The following MINK1 variants were observed in gnomAD, a reference collection of about 807,000 sequenced individuals.
MINK1 encodes misshapen-like kinase 1.
Under a neutral mutation model 178.4 loss-of-function variants are expected in MINK1, and 46 were observed. That is an observed-to-expected ratio of 0.26 (90% CI 0.20 to 0.33). The LOEUF is 0.33. Among genes scored for constraint, MINK1 ranks in the 10% least tolerant of loss-of-function variants. MINK1 has a pLI of 1.00. For missense variants in MINK1, 1,366 were observed against 1,814.9 expected (o/e 0.75, Z 4.49); for synonymous variants, 797 against 709.7 (o/e 1.12, Z -1.96).
Position 4,894,911 on chromosome 17 carries a change from A to G in MINK1, c.2918-164A>G. On this transcript the variant is annotated intron_variant, in intron 24 of 31. Transcript: ENST00000355280. The surrounding 1 kb of genome is among the most constrained non-coding windows in gnomAD (Gnocchi z 4.1). ...ACTTGAGCCAGACCTTTTGACTCCA[A>G]GTCCAGCACTCTATCCCCCTCTCCC... The G allele has an allele frequency of 1.3e-6, 1 of 787,022 alleles. No individual in the cohort carries two copies. The highest frequency in any genetic ancestry group is 2.0e-6 in the Non-Finnish European group (1 of 503,102). 48.8% of individuals were successfully genotyped at this position (787,022 alleles called of 1,614,324 possible). A position where few individuals can be genotyped will look rare whatever the true frequency, so the allele number is the denominator to read the frequency against.
At chr17:4,855,147 G>C (rs571834149) in intron 1 of MINK1, among the ~76,000 whole-genome samples, 127 of 149,636 alleles carry the variant, frequency 8.5e-4, no homozygotes, top group Admixed American at 1.7e-3. Flanking sequence ...ACCTAGAAGG[G>C]GAGGTTGCAG....
intron 20 of MINK1, 49 bp from the exon 21 acceptor site, chr17:4,893,385 C>T (rs767593143): frequency 3.1e-6 from 5 of 1,603,690 alleles, no homozygotes; most frequent in Non-Finnish European, 4.3e-6. Context: ...TTGTCTACCT[C>T]CACCCAGGCC....
chr17:4,888,638 T>TA (rs934522671), intron 12 of MINK1, among the ~76,000 whole-genome samples: 2 of 142,240 alleles, frequency 1.4e-5, no homozygotes, highest in African/African-American at 2.6e-5. Context: ...CTCCAAAAAA[T>TA]AAAAAAATAA....
chr17:4,871,687 C>T (rs554467202), intron 1 of MINK1, among the ~76,000 whole-genome samples: 1 of 152,080 alleles, frequency 6.6e-6, no homozygotes, highest in Admixed American at 6.6e-5. Context: ...TGAGTATCTA[C>T]CTAGAAGTGG....
chr17:4,875,514 T>G (rs1967101829), intron 1 of MINK1: 3 of 453,552 alleles, frequency 6.6e-6, no homozygotes, highest in Admixed American at 4.7e-5. Flanking sequence ...GGCTCACACC[T>G]GTAATCCCAA....
chr17:4,881,023 G>A lies in MINK1; in HGVS notation c.163G>A (p.Val55Ile), dbSNP rs935725875. The change falls in exon 3 of 32, where the codon GTC (valine) becomes ATC (isoleucine). Residue 55 changes from valine to isoleucine, a missense_variant. Physicochemically the swap from Val to Ile is conservative, Grantham distance 29. This residue lies in a region of MINK1 where 109 missense variants were observed against 369.4 expected (regional missense o/e 0.30). Transcript: ENST00000355280. The stretch of plus-strand genomic sequence containing the variant: ...GACGGGGCAGCTGGCTGCCATCAAG[G>A]TCATGGATGTCACGGAGGTAGGGAG... ...VKTGQLAAIK[V>I]MDVTEDEEEE... 2 of 1,530,766 alleles carry A rather than the reference G, an allele frequency of 1.3e-6. No homozygotes were observed. Among genetic ancestry groups the A allele is most frequent in the Non-Finnish European group, 1.7e-6 (2 of 1,143,404 alleles). The allele number at this position is 1,530,766 out of a possible 1,614,324, so 94.8% of individuals were successfully genotyped here. A position where few individuals can be genotyped will look rare whatever the true frequency, so the allele number is the denominator to read the frequency against.
intron 1 of MINK1, among the ~76,000 whole-genome samples, chr17:4,834,977 TC>T: frequency 6.6e-6 from 1 of 152,204 alleles, no homozygotes; most frequent in East Asian, 1.9e-4. Flanking sequence ...CTTCCCATTT[TC>T]AGGTCATAAT....
chr17:4,894,658 T>A lies in MINK1; in HGVS notation c.2917+25T>A. 1 of 1,556,346 alleles carries A rather than the reference T, an allele frequency of 6.4e-7. No individual in the cohort carries two copies. Among genetic ancestry groups the A allele is most frequent in the East Asian group, 2.3e-5 (1 of 43,246 alleles). ...GGTGAGGACAGGAGGACAGACCTGC[T>A]GTGAGGCCAGGGTCCAGGGGCAGCC... On this transcript the variant is annotated intron_variant, in intron 24 of 31. Coordinates refer to ENST00000355280, the MANE Select transcript of MINK1 (RefSeq NM_153827.5). This position sits in a 1 kb window ranked among gnomAD's most constrained non-coding sequence, Gnocchi z 4.1.
intron 4 of MINK1, among the ~76,000 whole-genome samples, chr17:4,882,680 C>T (rs1398487312): frequency 6.6e-6 from 1 of 152,136 alleles, no homozygotes; most frequent in Non-Finnish European, 1.5e-5. Flanking sequence ...GTTGTTGTAC[C>T]ACGAAAGCAG....
At chr17:4,860,854 T>G in intron 1 of MINK1, 1 of 509,234 alleles carries the variant, frequency 2.0e-6, no homozygotes, top group South Asian at 1.4e-5. Context: ...GCCGAAGCCT[T>G]AGGGAGCAAC....
chr17:4,877,424 T>A (rs1307278970), intron 1 of MINK1, among the ~76,000 whole-genome samples: 1 of 152,116 alleles, frequency 6.6e-6, no homozygotes, highest in Non-Finnish European at 1.5e-5. Context: ...GCTGACTCCC[T>A]CCGTCCAGGT....
intron 1 of MINK1, among the ~76,000 whole-genome samples, chr17:4,839,993 G>C: frequency 6.7e-6 from 1 of 150,134 alleles, no homozygotes; most frequent in Non-Finnish European, 1.5e-5. Flanking sequence ...GTGATTGCAA[G>C]CCATGATAAG....
chr17:4,896,383 T>G lies in MINK1; in HGVS notation c.3615+41T>G, dbSNP rs1395240595. The stretch of plus-strand genomic sequence containing the variant: ...CTGCTGGGGGAGTGGGATGGCCCAG[T>G]CTGGGCACCAGACACGGAGACTCTA... On this transcript the variant is annotated intron_variant, in intron 29 of 31. Coordinates refer to ENST00000355280, the MANE Select transcript of MINK1 (RefSeq NM_153827.5). The surrounding 1 kb of genome is among the most constrained non-coding windows in gnomAD (Gnocchi z 4.6). 1.2e-6 allele frequency: 2 copies of G among 1,607,806 alleles called. No individual in the cohort carries two copies. The highest frequency in any genetic ancestry group is 3.3e-5 in the Admixed American group (2 of 59,758).
rs905671204 is a variant in MINK1, at chr17:4,854,850, G to A, written c.57+21210G>A. ...CAGTGTGAGAGGCAGGGTTAGCAGA[G>A]TGGAGAGTCTGTTTCAGAGAGTAAG... On this transcript the variant is annotated intron_variant, in intron 1 of 31. Transcript: ENST00000355280. 1.3e-4 allele frequency: 58 copies of A among 462,070 alleles called. No homozygotes were observed. In the Admixed American group the frequency reaches 1.3e-3, roughly 11 times the overall value. 28.6% of individuals were successfully genotyped at this position (462,070 alleles called of 1,614,324 possible). A position where few individuals can be genotyped will look rare whatever the true frequency, so the allele number is the denominator to read the frequency against.
chr17:4,844,832 GT>G (rs1910775253), intron 1 of MINK1, among the ~76,000 whole-genome samples: 1 of 150,700 alleles, frequency 6.6e-6, no homozygotes, highest in Non-Finnish European at 1.5e-5. Flanking sequence ...TTAAAAATGT[GT>G]TGTTGTTGTT....
chr17:4,891,158 C>T, intron 15 of MINK1, 34 bp downstream of exon 15: 1 of 1,472,476 alleles, frequency 6.8e-7, no homozygotes. Flanking sequence ...TTAATGAAGA[C>T]ACAGGGAGCT....
At position 4,896,503 on chromosome 17, in the gene MINK1, C is replaced by G; in HGVS notation, c.3690C>G (p.Tyr1230Ter). The change falls in exon 30 of 32, where the codon TAC (tyrosine) becomes TAG (stop). Residue 1230 changes from tyrosine to a stop codon, truncating the protein, a stop_gained. Coordinates refer to ENST00000355280, the MANE Select transcript of MINK1 (RefSeq NM_153827.5). LOFTEE classifies it high-confidence loss of function. This position sits in a 1 kb window ranked among gnomAD's most constrained non-coding sequence, Gnocchi z 4.6. ...NTDGMEMLLC[Y>*]EDEGVYVNTY... ...ACGGCATGGAGATGCTGCTGTGCTA[C>G]GAGGACGAGGGTGTCTACGTCAACA... 6.2e-7 allele frequency: 1 copy of G among 1,613,942 alleles called. No individual in the cohort carries two copies. Among genetic ancestry groups the G allele is most frequent in the Non-Finnish European group, 8.5e-7 (1 of 1,179,864 alleles).
chr17:4,845,139 A>G (rs1487433016), intron 1 of MINK1, among the ~76,000 whole-genome samples: 2 of 152,186 alleles, frequency 1.3e-5, no homozygotes, highest in African/African-American at 2.4e-5. Flanking sequence ...GCCTAGGTGC[A>G]TGTCTCAGAA....
chr17:4,889,819 C>T (rs950085635), intron 13 of MINK1, 56 bp downstream of exon 13: 21 of 1,311,070 alleles, frequency 1.6e-5, no homozygotes, highest in Admixed American at 4.7e-5. Flanking sequence ...TGCTGCCTGC[C>T]GCCCCTGCTC....
Sources: allele counts gnomAD v4.1 joint callset (sites outside exome capture counted in the v4.1 genomes callset), GRCh38; gene constraint gnomAD v4.1.1; regional missense constraint gnomAD v4.1.1; non-coding constraint Gnocchi (gnomAD v3.1); transcripts MANE v1.5; gene names NCBI Gene and HGNC (gene_info 2026-07-23, HGNC 2026-07-21).